DDX50: variants seen among roughly 807,000 people sequenced by gnomAD.
DDX50 encodes the protein DExD-box helicase 50.
DDX50 carries 56 observed loss-of-function variants against 94.8 expected under a neutral mutation model. That is an observed-to-expected ratio of 0.59 (90% confidence interval 0.48 to 0.74). The LOEUF (loss-of-function observed/expected upper bound fraction) is 0.74, where lower values mean the gene tolerates loss of function less well. DDX50 is among the 30% of genes least tolerant of loss of function. The probability of loss-of-function intolerance (pLI) is 0.00; values close to 1 mark genes in which losing one functional copy is unlikely to be tolerated. For missense variants in DDX50, 713 were observed against 881.2 expected (o/e 0.81, Z 2.42); for synonymous variants, 264 against 295.4 (o/e 0.89, Z 1.09).
chr10:68,906,664 A>T (rs1841453620), intron 1 of DDX50, 47 bp from the exon 2 acceptor site: 4 of 1,582,494 alleles, frequency 2.5e-6, no homozygotes, highest in Non-Finnish European at 3.4e-6. Flanking sequence ...AGAGTCTTAA[A>T]AGAAAACCTC....
Position 68,919,868 on chromosome 10 carries a change from G to C in DDX50, c.1126G>C (p.Ala376Pro). ...AIQCHWSQRP[A>P]VIGDVLQVYS... ...CCAGTGTCATTGGTCTCAGAGGCCA[G>C]CAGTTATTGGAGATGTCCTTCAAGT... The change falls in exon 8 of 15, where the codon GCA (alanine) becomes CCA (proline). Residue 376 changes from alanine (A) to proline (P), a missense_variant. Ala to Pro is a conservative substitution (Grantham distance 27). Coordinates refer to ENST00000373585, the MANE Select transcript of DDX50 (RefSeq NM_024045.2). 2 of 1,613,932 alleles carry C rather than the reference G, an allele frequency of 1.2e-6. No homozygotes were observed. The highest frequency in any genetic ancestry group is 1.7e-6 in the Non-Finnish European group (2 of 1,179,890).
rs571736486 is a variant in DDX50 at position 68,928,027 on chromosome 10, A to T, written c.1240-6172A>T. On this transcript the variant is annotated intron_variant, in intron 8 of 14. Transcript: ENST00000373585. ...CAGAGCAAGATTCCATCTCTTTAAA[A>T]TAAATGAATAATAAAAGGATGTTTT... 2.6e-5 allele frequency among the ~76,000 whole-genome samples: 4 copies of T among 152,342 alleles called. No individual in the cohort carries two copies. In the South Asian group the frequency reaches 8.3e-4, roughly 32 times the overall value.
At chr10:68,937,195 CTG>C (rs1842444027) in intron 12 of DDX50, 100 bp downstream of exon 12, 1 of 1,276,346 alleles carries the variant, frequency 7.8e-7, no homozygotes, top group East Asian at 2.6e-5. Context: ...CAGAAAAAAA[CTG>C]TTTTGCTCTA....
In DDX50 at chr10:68,936,066, A is replaced by G; in HGVS notation, c.1582A>G (p.Met528Val). ...AATGGATTTAGTTAAATCTAAAAGCATGGATGCCATCAGGTATGCTTTCTG... is the reference window on the plus strand; with the variant it reads ...AATGGATTTAGTTAAATCTAAAAGCGTGGATGCCATCAGGTATGCTTTCTG... ...STMDLVKSKS[M>V]DAIRSLASVS... The change falls in exon 11 of 15, where the codon ATG becomes GTG. Residue 528 changes from methionine to valine, a missense_variant. Coordinates refer to ENST00000373585, the MANE Select transcript of DDX50 (RefSeq NM_024045.2). 2 of 1,610,262 alleles carry G rather than the reference A, an allele frequency of 1.2e-6. No individual in the cohort carries two copies. Among genetic ancestry groups the G allele is most frequent in the Non-Finnish European group, 1.7e-6 (2 of 1,178,554 alleles).
chr10:68,939,614 G>T (rs975572274), intron 12 of DDX50, among the ~76,000 whole-genome samples: 1 of 152,036 alleles, frequency 6.6e-6, no homozygotes, highest in Non-Finnish European at 1.5e-5. Context: ...CAAGGCCTTT[G>T]TACATACTTT....
At chr10:68,914,357 A>C (rs1841721435) in intron 7 of DDX50, 153 bp downstream of exon 7, 1 of 802,680 alleles carries the variant, frequency 1.2e-6, no homozygotes, top group Non-Finnish European at 1.9e-6. Context: ...ATAGTCTGAG[A>C]CTGAGTAGCA....
At chr10:68,909,744 C>T (rs541699140) in intron 2 of DDX50, among the ~76,000 whole-genome samples, 1 of 152,234 alleles carries the variant, frequency 6.6e-6, no homozygotes, top group South Asian at 2.1e-4. Context: ...CTCACTACAA[C>T]CTCTGCCTCC....
At chr10:68,917,174 T>C (rs1200286617) in intron 7 of DDX50, among the ~76,000 whole-genome samples, 1 of 152,040 alleles carries the variant, frequency 6.6e-6, no homozygotes, top group Non-Finnish European at 1.5e-5. Flanking sequence ...AAAACTCATT[T>C]GTTGGCCAGG....
chr10:68,914,294 T>A, intron 7 of DDX50, 90 bp downstream of exon 7: 2 of 1,383,502 alleles, frequency 1.4e-6, no homozygotes, highest in Admixed American at 2.1e-5. Flanking sequence ...TTTGGGTACC[T>A]CTTCATGCCT....
At chr10:68,921,930 A>G (rs946726935) in intron 8 of DDX50, among the ~76,000 whole-genome samples, 2 of 152,164 alleles carry the variant, frequency 1.3e-5, no homozygotes, top group African/African-American at 4.8e-5. Context: ...CGGTAGTTTT[A>G]CTAGAATATA....
At chr10:68,936,594 T>G (rs1842425762) in intron 11 of DDX50, among the ~76,000 whole-genome samples, 1 of 141,540 alleles carries the variant, frequency 7.1e-6, no homozygotes, top group Non-Finnish European at 1.5e-5. Context: ...ATTCCAGCAC[T>G]TCGGGAGGCT....
In DDX50 at chr10:68,929,292, C is replaced by CCTTCCTCT. The variant is rs1554836333; in HGVS notation, c.1240-4905_1240-4904insTCCTCTCT. Among the ~76,000 whole-genome samples the CCTTCCTCT allele has an allele frequency of 2.0e-4, 25 of 122,622 alleles. No individual in the cohort carries two copies. In the South Asian group the frequency reaches 4.8e-3, roughly 23 times the overall value. The allele number at this position is 122,622 out of a possible 152,430, so 80.4% of individuals were successfully genotyped here. A position where few individuals can be genotyped will look rare whatever the true frequency, so the allele number is the denominator to read the frequency against. On this transcript the variant is annotated intron_variant, in intron 8 of 14. Coordinates refer to ENST00000373585, the MANE Select transcript of DDX50 (RefSeq NM_024045.2). ...TCCTTCCTTCCTTCCTTCCTTCCTT[C>CCTTCCTCT]CTCTCTCTCTCTCTCTCTCTCTTTC... is the stretch of plus-strand genomic sequence containing the variant.
intron 7 of DDX50, among the ~76,000 whole-genome samples, chr10:68,916,294 C>G (rs1370278325): frequency 2.1e-5 from 3 of 140,978 alleles, no homozygotes; most frequent in African/African-American, 8.0e-5. Flanking sequence ...GTGATAGTTG[C>G]GGTGAGCTGA....
chr10:68,905,159 G>A (rs1301104435), intron 1 of DDX50, among the ~76,000 whole-genome samples: 4 of 151,976 alleles, frequency 2.6e-5, no homozygotes, highest in East Asian at 1.9e-4. Context: ...CAGGTGATCC[G>A]CCCAACCTCG....
At chr10:68,938,834 AT>A (rs1238234729) in intron 12 of DDX50, among the ~76,000 whole-genome samples, 1 of 152,124 alleles carries the variant, frequency 6.6e-6, no homozygotes, top group African/African-American at 2.4e-5. Context: ...ATTTGGTATT[AT>A]GTCTCTTTAG....
At chr10:68,940,253 C>T (rs1189584665) in intron 12 of DDX50, among the ~76,000 whole-genome samples, 2 of 151,798 alleles carry the variant, frequency 1.3e-5, no homozygotes, top group Non-Finnish European at 2.9e-5. Context: ...GTGGCACGCA[C>T]CTGTAGTTCC....
chr10:68,916,573 C>T (rs1228928364), intron 7 of DDX50, among the ~76,000 whole-genome samples: 1 of 152,142 alleles, frequency 6.6e-6, no homozygotes, highest in South Asian at 2.1e-4. Flanking sequence ...CTTTTCTTCA[C>T]CCCTGCATTT....
chr10:68,922,337 G>A (rs909833219), intron 8 of DDX50, among the ~76,000 whole-genome samples: 78 of 151,726 alleles, frequency 5.1e-4, no homozygotes, highest in African/African-American at 1.8e-3. Flanking sequence ...TCAAAATTTC[G>A]CATTTTTAAA....
intron 7 of DDX50, 150 bp from the exon 8 acceptor site, chr10:68,919,682 C>A: frequency 1.2e-6 from 1 of 832,546 alleles, no homozygotes; most frequent in Non-Finnish European, 1.9e-6. Context: ...GACCATTTGT[C>A]TATATTGTTT....
Sources: gnomAD v4.1 joint callset for allele counts (sites outside exome capture counted in the v4.1 genomes callset) on GRCh38, gnomAD v4.1.1 for gene constraint, MANE v1.5 for transcripts, NCBI Gene and HGNC (gene_info 2026-07-23, HGNC 2026-07-21) for gene names.